DYM: variants seen among roughly 807,000 people sequenced by gnomAD.
The protein encoded by DYM is dyggve-Melchior-Clausen syndrome protein.
A neutral mutation model predicts 93.1 loss-of-function variants in DYM; 78 were observed. That is an observed-to-expected ratio of 0.84 (90% CI 0.70 to 1.01). DYM has a LOEUF of 1.01. Among genes scored for constraint, DYM ranks in the 50% least tolerant of loss-of-function variants. DYM has a pLI of 0.00. For missense variants in DYM, 789 were observed against 845.0 expected (o/e 0.93, Z 0.82); for synonymous variants, 321 against 319.7 (o/e 1.00, Z -0.04).
chr18:49,274,734 T>C (rs76078162), intron 10 of DYM, among the ~76,000 whole-genome samples: 12,211 of 152,214 alleles, frequency 0.08, 776 homozygotes, highest in East Asian at 0.31. Flanking sequence ...TGACTAATAA[T>C]GTCAAGTTGT....
At chr18:49,285,579 T>A (rs972023748) in intron 9 of DYM, among the ~76,000 whole-genome samples, 1 of 152,244 alleles carries the variant, frequency 6.6e-6, no homozygotes, top group Non-Finnish European at 1.5e-5. Flanking sequence ...ATTCAGTACA[T>A]CATCATGTTG....
intron 16 of DYM, among the ~76,000 whole-genome samples, chr18:49,098,113 G>T (rs1347022511): frequency 6.6e-6 from 1 of 151,974 alleles, no homozygotes; most frequent in Non-Finnish European, 1.5e-5. Context: ...GAAATACACG[G>T]TCCCTAAATA....
intron 2 of DYM, among the ~76,000 whole-genome samples, chr18:49,420,906 G>A (rs1208397159): frequency 6.6e-6 from 1 of 152,152 alleles, no homozygotes; most frequent in Admixed American, 6.5e-5. Context: ...ACGGAGCCTT[G>A]CTCACTGCTA....
intron 8 of DYM, among the ~76,000 whole-genome samples, chr18:49,306,200 T>C (rs2061265931): frequency 6.6e-6 from 1 of 152,194 alleles, no homozygotes; most frequent in South Asian, 2.1e-4. Flanking sequence ...TGACAGGTCA[T>C]TTTAAGAAGA....
chr18:49,386,619 A>C (rs2068651520), intron 3 of DYM, among the ~76,000 whole-genome samples: 2 of 152,220 alleles, frequency 1.3e-5, no homozygotes, highest in African/African-American at 4.8e-5. Flanking sequence ...AAATCTGAGA[A>C]ACTGTTGCAG....
At chr18:49,291,487 A>AG (rs562432749) in intron 8 of DYM, among the ~76,000 whole-genome samples, 1 of 152,304 alleles carries the variant, frequency 6.6e-6, no homozygotes, top group East Asian at 1.9e-4. Context: ...TTATGGGGGA[A>AG]GGGGGGAAAT....
At chr18:49,452,356 G>A (rs2082593009) in intron 1 of DYM, among the ~76,000 whole-genome samples, 2 of 152,164 alleles carry the variant, frequency 1.3e-5, no homozygotes, top group Non-Finnish European at 2.9e-5. Context: ...GGGGACCTGA[G>A]CGGGTTGCCA....
chr18:49,388,913 C>CAAAAAAAAAAAA (rs59658815), intron 3 of DYM, among the ~76,000 whole-genome samples: 4 of 129,042 alleles, frequency 3.1e-5, no homozygotes, highest in African/African-American at 5.8e-5. Context: ...CATTTTCAGA[C>CAAAAAAAAAAAA]AAAAAAAAAA....
intron 8 of DYM, among the ~76,000 whole-genome samples, chr18:49,317,586 T>C (rs1334129163): frequency 2.3e-3 from 28 of 12,032 alleles, no homozygotes; most frequent in African/African-American, 0.016. Context: ...TCTCTCTCTC[T>C]CTCTCTCTCT....
chr18:49,107,546 T>C (rs1327388681), intron 16 of DYM, among the ~76,000 whole-genome samples: 1 of 152,196 alleles, frequency 6.6e-6, no homozygotes, highest in Non-Finnish European at 1.5e-5. Context: ...TTTATCTACC[T>C]TTGGTCTTTG....
intron 13 of DYM, among the ~76,000 whole-genome samples, chr18:49,212,651 A>G (rs1202628069): frequency 6.6e-6 from 1 of 152,108 alleles, no homozygotes; most frequent in Non-Finnish European, 1.5e-5. Context: ...GTGTGCCACC[A>G]CACTCAGCTA....
intron 15 of DYM, among the ~76,000 whole-genome samples, chr18:49,149,355 C>A (rs1281803473): frequency 6.6e-6 from 1 of 152,180 alleles, no homozygotes; most frequent in East Asian, 1.9e-4. Context: ...AAAGCTCATT[C>A]CCTCTCCTGC....
At chr18:49,410,623 A>C (rs1340764950) in intron 2 of DYM, among the ~76,000 whole-genome samples, 1 of 151,218 alleles carries the variant, frequency 6.6e-6, no homozygotes, top group African/African-American at 2.4e-5. Flanking sequence ...AAGCCTGGAC[A>C]ACATAGTGAG....
At chr18:49,188,667 C>T (rs895121244) in intron 14 of DYM, among the ~76,000 whole-genome samples, 2 of 151,594 alleles carry the variant, frequency 1.3e-5, no homozygotes, top group African/African-American at 4.9e-5. Context: ...GGAAGGGGAA[C>T]ATCACACACT....
intron 5 of DYM, among the ~76,000 whole-genome samples, chr18:49,370,015 G>A (rs541356346): frequency 3.3e-5 from 5 of 152,256 alleles, no homozygotes; most frequent in East Asian, 3.9e-4. Context: ...AGTGGCTCAC[G>A]CCTATAATCC....
intron 13 of DYM, among the ~76,000 whole-genome samples, chr18:49,229,218 A>G (rs1478147899): frequency 6.6e-6 from 1 of 152,116 alleles, no homozygotes; most frequent in Admixed American, 6.6e-5. Context: ...ATCTATAACA[A>G]TAAGAGGTAT....
chr18:49,300,498 GC>G (rs2060858374), intron 8 of DYM, among the ~76,000 whole-genome samples: 1 of 151,942 alleles, frequency 6.6e-6, no homozygotes, highest in Admixed American at 6.6e-5. Flanking sequence ...TACTTGAGAG[GC>G]TGACACAGGA....
At chr18:49,260,737 A>G (rs1449201581) in intron 11 of DYM, among the ~76,000 whole-genome samples, 1 of 152,194 alleles carries the variant, frequency 6.6e-6, no homozygotes, top group Non-Finnish European at 1.5e-5. Context: ...ACAGCAGAAC[A>G]ATGTCTCAAG....
At chr18:49,102,036 G>A (rs895316339) in intron 16 of DYM, among the ~76,000 whole-genome samples, 7 of 152,238 alleles carry the variant, frequency 4.6e-5, no homozygotes, top group African/African-American at 1.2e-4. Flanking sequence ...ACCTGGTGTC[G>A]GACTGCTTGG....
Sources: allele counts gnomAD v4.1 joint callset (sites outside exome capture counted in the v4.1 genomes callset), GRCh38; gene constraint gnomAD v4.1.1; transcripts MANE v1.5; gene names NCBI Gene and HGNC (gene_info 2026-07-23, HGNC 2026-07-21).